Variants in SP4 observed in about 807,000 individuals in gnomAD.
The protein encoded by SP4 is transcription factor Sp4.
In SP4, 19 loss-of-function variants were observed where a neutral mutation model predicts 72.8. That is an observed-to-expected ratio of 0.26 (90% confidence interval 0.18 to 0.38). SP4 has a LOEUF of 0.38. Among genes scored for constraint, SP4 ranks in the 10% least tolerant of loss-of-function variants. The pLI, the probability that SP4 is intolerant of heterozygous loss-of-function variation, is 1.00. For synonymous variants in SP4, 395 were observed against 333.1 expected (o/e 1.19, Z -2.02); for missense variants, 1,008 against 926.3 (o/e 1.09, Z -1.14).
chr7:21,496,759 C>G (rs1325300937), intron 5 of SP4, among the ~76,000 whole-genome samples: 3 of 152,026 alleles, frequency 2.0e-5, no homozygotes, highest in Non-Finnish European at 4.4e-5. Context: ...TAATGAGTCT[C>G]TCAGCCTGTG....
At chr7:21,510,920 T>A in intron 5 of SP4, 102 bp from the exon 6 acceptor site, 1 of 1,147,492 alleles carries the variant, frequency 8.7e-7, no homozygotes, top group Non-Finnish European at 1.2e-6. Context: ...CTAGTGAAAC[T>A]GTACAAAAAG....
rs1022955496 is a variant in SP4 at position 21,513,256 on chromosome 7, T to G, written c.*1987T>G. 1 of 152,616 alleles carries G rather than the reference T, an allele frequency of 6.6e-6. No homozygotes were observed. The highest frequency in any genetic ancestry group is 2.4e-5 in the African/African-American group (1 of 41,458). The allele number at this position is 152,616 out of a possible 1,614,324, so 9.5% of individuals were successfully genotyped here. A position where few individuals can be genotyped will look rare whatever the true frequency, so the allele number is the denominator to read the frequency against. On this transcript the variant is annotated 3_prime_UTR_variant, in exon 6 of 6. Transcript: ENST00000222584. ...GCGTTATATAAAACTGAAGGTCTTTTGTGCTTTCAGTTTGTATAAAAAAGC... is the reference window on the plus strand; with the variant it reads ...GCGTTATATAAAACTGAAGGTCTTTGGTGCTTTCAGTTTGTATAAAAAAGC...
At chr7:21,461,626 C>T (rs1306488766) in intron 3 of SP4, among the ~76,000 whole-genome samples, 2 of 152,172 alleles carry the variant, frequency 1.3e-5, no homozygotes, top group African/African-American at 2.4e-5. Context: ...CGTGCCTCTC[C>T]CTCCACACCT....
chr7:21,429,115 T>A (rs968103110), intron 2 of SP4, among the ~76,000 whole-genome samples, 174 bp from the exon 3 acceptor site: 5 of 152,000 alleles, frequency 3.3e-5, no homozygotes, highest in African/African-American at 1.2e-4. Flanking sequence ...ACTTGCTTCC[T>A]TATTCATATA....
chr7:21,498,972 C>T (rs530188514), intron 5 of SP4, among the ~76,000 whole-genome samples: 20 of 149,314 alleles, frequency 1.3e-4, no homozygotes, highest in Non-Finnish European at 1.8e-4. Flanking sequence ...CCCAGCTATT[C>T]GGGAGGCTGA....
rs55723306 is a variant in SP4, at chr7:21,502,040, A to ACCCC, written c.2108-8972_2108-8969dup. ...GTTTCGGGCCTTAAATTCATTAGGC[A>ACCCC]CCCCCCCCCCCCCGGAACTCCTATA... is the stretch of plus-strand genomic sequence containing the variant. On this transcript the variant is annotated intron_variant, in intron 5 of 5. Transcript: ENST00000222584. Among the ~76,000 whole-genome samples the ACCCC allele has an allele frequency of 4.6e-4, 33 of 72,322 alleles. No homozygotes were observed. The East Asian group carries it at 9.8e-3, about 21-fold the overall frequency. The allele number at this position is 72,322 out of a possible 152,430, so 47.4% of individuals were successfully genotyped here.
intron 5 of SP4, among the ~76,000 whole-genome samples, chr7:21,505,648 T>A (rs1781974753): frequency 6.6e-6 from 1 of 152,190 alleles, no homozygotes; most frequent in Non-Finnish European, 1.5e-5. Flanking sequence ...TTGAACCACT[T>A]ACGTTCATAG....
intron 4 of SP4, among the ~76,000 whole-genome samples, chr7:21,480,937 T>G (rs79991320): frequency 6.8e-4 from 104 of 152,358 alleles, no homozygotes; most frequent in African/African-American, 2.4e-3. Flanking sequence ...TTCTGACTTA[T>G]GGCTTTTGAA....
intron 3 of SP4, 69 bp downstream of exon 3, chr7:21,430,912 A>G: frequency 8.2e-7 from 1 of 1,220,474 alleles, no homozygotes; most frequent in Non-Finnish European, 1.2e-6. Context: ...TTTCTCTCCT[A>G]ATTCTAAGGT....
intron 3 of SP4, among the ~76,000 whole-genome samples, chr7:21,467,703 G>T (rs1386873846): frequency 6.6e-6 from 1 of 152,052 alleles, no homozygotes; most frequent in Non-Finnish European, 1.5e-5. Context: ...ATTTTCTTAG[G>T]CAGATTCCAA....
intron 3 of SP4, among the ~76,000 whole-genome samples, chr7:21,458,249 A>G (rs903834859): frequency 1.3e-5 from 2 of 151,920 alleles, no homozygotes; most frequent in Admixed American, 6.6e-5. Context: ...CTGGAGTGCA[A>G]TGGCACAGTC....
At chr7:21,501,700 A>G (rs886209812) in intron 5 of SP4, among the ~76,000 whole-genome samples, 1 of 152,132 alleles carries the variant, frequency 6.6e-6, no homozygotes, top group African/African-American at 2.4e-5. Context: ...CTGCCAGTTC[A>G]TTGGCTAGAG....
At chr7:21,489,553 C>CTTT (rs1193080485) in intron 5 of SP4, among the ~76,000 whole-genome samples, 23 of 82,516 alleles carry the variant, frequency 2.8e-4, no homozygotes, top group Non-Finnish European at 4.4e-4. Flanking sequence ...TTTCTTTTTT[C>CTTT]TTTTTTTTTT....
At chr7:21,475,161 CTG>C (rs1440912646) in intron 3 of SP4, among the ~76,000 whole-genome samples, 1 of 151,484 alleles carries the variant, frequency 6.6e-6, no homozygotes, top group Non-Finnish European at 1.5e-5. Context: ...GACGCCCAGG[CTG>C]GAGTGCAGTG....
intron 3 of SP4, among the ~76,000 whole-genome samples, chr7:21,461,847 T>TAA (rs1784001794): frequency 6.6e-6 from 1 of 152,130 alleles, no homozygotes; most frequent in Admixed American, 6.5e-5. Context: ...GATAGACCTT[T>TAA]AAAGTTCTAG....
chr7:21,469,311 T>A (rs1053332587), intron 3 of SP4, among the ~76,000 whole-genome samples: 8 of 152,254 alleles, frequency 5.3e-5, no homozygotes, highest in Middle Eastern at 6.8e-3. Context: ...AAACAGAACT[T>A]AGATCATCAC....
intron 5 of SP4, among the ~76,000 whole-genome samples, chr7:21,505,263 C>T (rs939190742): frequency 1.3e-5 from 2 of 152,208 alleles, no homozygotes; most frequent in Non-Finnish European, 2.9e-5. Context: ...CATCCCTTCA[C>T]TAATCAGGTG....
intron 3 of SP4, among the ~76,000 whole-genome samples, chr7:21,468,646 TC>T (rs1366829306): frequency 2.6e-5 from 4 of 152,048 alleles, no homozygotes; most frequent in African/African-American, 9.6e-5. Flanking sequence ...TGTTGATTTT[TC>T]TATAGTTTTC....
intron 3 of SP4, among the ~76,000 whole-genome samples, chr7:21,472,627 T>C (rs1034122780): frequency 4.6e-5 from 7 of 151,846 alleles, no homozygotes; most frequent in African/African-American, 1.7e-4. Flanking sequence ...TAAATTTAGA[T>C]TTAAGTGCTG....
Sources: allele counts gnomAD v4.1 joint callset (sites outside exome capture counted in the v4.1 genomes callset), GRCh38; gene constraint gnomAD v4.1.1; transcripts MANE v1.5; gene names NCBI Gene and HGNC (gene_info 2026-07-23, HGNC 2026-07-21).